The following ATXN1 variants were observed in gnomAD, a reference collection of about 807,000 sequenced individuals.
ATXN1 encodes ataxin-1.
Under a neutral mutation model 56.4 loss-of-function variants are expected in ATXN1, and 8 were observed. The observed-to-expected ratio is 0.14, with a 90% CI of 0.08 to 0.26. ATXN1 has a LOEUF of 0.26. Ranked by LOEUF, ATXN1 falls within the 10% of genes least tolerant of loss-of-function variation. The probability of loss-of-function intolerance (pLI) is 1.00; values close to 1 mark genes in which losing one functional copy is unlikely to be tolerated. For synonymous variants in ATXN1, 514 were observed against 494.6 expected, an observed-to-expected ratio of 1.04 and a Z score of -0.52; for missense variants, 987 against 1,106.5, an observed-to-expected ratio of 0.89 and a Z score of 1.53.
chr6:16,504,723 C>T (rs1164664825), intron 5 of ATXN1, among the ~76,000 whole-genome samples: 1 of 152,108 alleles, frequency 6.6e-6, no homozygotes, highest in Non-Finnish European at 1.5e-5. Flanking sequence ...AACTGCTCCC[C>T]ACAAAGACCT....
At chr6:16,728,207 G>T (rs1340706570) in intron 2 of ATXN1, among the ~76,000 whole-genome samples, 2 of 152,206 alleles carry the variant, frequency 1.3e-5, no homozygotes, top group Non-Finnish European at 2.9e-5. Context: ...GTCTGACTGG[G>T]ACGCAAGACA....
chr6:16,649,196 T>G (rs577211398), intron 3 of ATXN1, among the ~76,000 whole-genome samples: 1 of 152,244 alleles, frequency 6.6e-6, no homozygotes, highest in Admixed American at 6.5e-5. Context: ...AGGAGCCGAA[T>G]TAATTTTGGA....
chr6:16,403,565 G>A (rs756756178), intron 6 of ATXN1, among the ~76,000 whole-genome samples: 22 of 152,168 alleles, frequency 1.4e-4, no homozygotes, highest in Non-Finnish European at 3.1e-4. Flanking sequence ...TGGCCAGGCT[G>A]GTCTCGAACT....
At chr6:16,370,167 T>C (rs1400667352) in intron 6 of ATXN1, among the ~76,000 whole-genome samples, 2 of 152,146 alleles carry the variant, frequency 1.3e-5, no homozygotes, top group African/African-American at 4.8e-5. Flanking sequence ...AAGCAGGAAC[T>C]GATGTAGAAA....
intron 2 of ATXN1, among the ~76,000 whole-genome samples, chr6:16,744,616 G>C (rs893099108): frequency 6.6e-6 from 1 of 152,166 alleles, no homozygotes; most frequent in Non-Finnish European, 1.5e-5. Flanking sequence ...ATCAAGGAGT[G>C]AGGGGCAGGT....
At chr6:16,477,332 G>A (rs1760346080) in intron 6 of ATXN1, among the ~76,000 whole-genome samples, 1 of 152,222 alleles carries the variant, frequency 6.6e-6, no homozygotes, top group Non-Finnish European at 1.5e-5. Context: ...TTTGGACAGG[G>A]ACTTTAAGAT....
intron 6 of ATXN1, among the ~76,000 whole-genome samples, chr6:16,392,865 T>C (rs1261743434): frequency 6.6e-6 from 1 of 152,180 alleles, no homozygotes; most frequent in Non-Finnish European, 1.5e-5. Context: ...GAAAGCGGCA[T>C]CATGATCACC....
At chr6:16,309,744 C>T (rs774766902) in intron 7 of ATXN1, among the ~76,000 whole-genome samples, 1 of 152,140 alleles carries the variant, frequency 6.6e-6, no homozygotes, top group Non-Finnish European at 1.5e-5. Context: ...TTAAAAGCCT[C>T]TAGAACAGGC....
chr6:16,650,164 G>A (rs144936216), intron 3 of ATXN1, among the ~76,000 whole-genome samples: 39 of 152,232 alleles, frequency 2.6e-4, no homozygotes, highest in Middle Eastern at 6.8e-3. Flanking sequence ...AGTCTCATGC[G>A]AGAAGAAACA....
chr6:16,483,402 T>G (rs1760477719), intron 6 of ATXN1, among the ~76,000 whole-genome samples: 1 of 152,122 alleles, frequency 6.6e-6, no homozygotes, highest in Non-Finnish European at 1.5e-5. Flanking sequence ...CTGCAACAGT[T>G]CTCCATGGCA....
At chr6:16,563,790 G>A (rs1762163807) in intron 4 of ATXN1, among the ~76,000 whole-genome samples, 1 of 150,162 alleles carries the variant, frequency 6.7e-6, no homozygotes, top group Admixed American at 6.6e-5. Context: ...CTTAACACCG[G>A]TCCATGACGC....
intron 6 of ATXN1, among the ~76,000 whole-genome samples, chr6:16,402,632 G>A (rs1758601322): frequency 6.6e-6 from 1 of 152,160 alleles, no homozygotes; most frequent in Admixed American, 6.5e-5. Context: ...GATGAAAGCT[G>A]TTCCTCCTTT....
chr6:16,406,971 G>A (rs762855136), intron 6 of ATXN1, among the ~76,000 whole-genome samples: 10 of 152,200 alleles, frequency 6.6e-5, no homozygotes, highest in Non-Finnish European at 1.3e-4. Context: ...CCTTTCTGCA[G>A]AAAGTAAAAA....
intron 2 of ATXN1, among the ~76,000 whole-genome samples, chr6:16,731,483 T>TTTA (rs1561827000): frequency 1.6e-5 from 2 of 122,794 alleles, no homozygotes; most frequent in African/African-American, 3.1e-5. Flanking sequence ...TTTTTTTTTT[T>TTTA]AATAAAAACG....
At chr6:16,722,898 T>C (rs1370214669) in intron 2 of ATXN1, among the ~76,000 whole-genome samples, 1 of 152,218 alleles carries the variant, frequency 6.6e-6, no homozygotes, top group Non-Finnish European at 1.5e-5. Context: ...AGATCTGTTA[T>C]GTTTAAGAAT....
intron 2 of ATXN1, among the ~76,000 whole-genome samples, chr6:16,694,155 A>G (rs1407830): frequency 0.82 from 124,397 of 152,134 alleles, 51,028 homozygotes; most frequent in African/African-American, 0.85. Context: ...GTACTCAAAA[A>G]TATAAAAACA....
chr6:16,409,020 T>G (rs1265194158), intron 6 of ATXN1, among the ~76,000 whole-genome samples: 1 of 152,258 alleles, frequency 6.6e-6, no homozygotes, highest in East Asian at 1.9e-4. Context: ...TTCTAAGGTT[T>G]AGTCAATCAA....
intron 6 of ATXN1, among the ~76,000 whole-genome samples, chr6:16,372,552 A>G: frequency 6.6e-6 from 1 of 152,218 alleles, no homozygotes; most frequent in Non-Finnish European, 1.5e-5. Flanking sequence ...CATTTCTGAA[A>G]TGCCAAGGGC....
intron 4 of ATXN1, among the ~76,000 whole-genome samples, chr6:16,572,510 T>C (rs569348395): frequency 2.0e-5 from 3 of 152,274 alleles, no homozygotes; most frequent in East Asian, 3.9e-4. Context: ...CAGGCTATAA[T>C]TGCTGACAGG....
Sources: allele counts gnomAD v4.1 joint callset (sites outside exome capture counted in the v4.1 genomes callset), GRCh38; gene constraint gnomAD v4.1.1; transcripts MANE v1.5; gene names NCBI Gene and HGNC (gene_info 2026-07-23, HGNC 2026-07-21).